The following FHIT variants were observed in gnomAD, a reference collection of about 807,000 sequenced individuals.
The protein encoded by FHIT is fragile histidine triad diadenosine triphosphatase.
A neutral mutation model predicts 17.9 loss-of-function variants in FHIT; 19 were observed. That is an observed-to-expected ratio of 1.06 (90% confidence interval 0.74 to 1.56). FHIT has a LOEUF of 1.56. FHIT is among the 40% of genes most tolerant of loss of function. FHIT has a pLI of 0.00. For synonymous variants in FHIT, 81 were observed against 69.7 expected, an observed-to-expected ratio of 1.16 and a Z score of -0.81; for missense variants, 248 against 189.2, an observed-to-expected ratio of 1.31 and a Z score of -1.82.
chr3:60,896,601 C>A (rs1705834945), intron 3 of FHIT, among the ~76,000 whole-genome samples: 1 of 152,184 alleles, frequency 6.6e-6, no homozygotes, highest in African/African-American at 2.4e-5. Context: ...TTCAAGATTT[C>A]TTTCCAGTAC....
intron 2 of FHIT, among the ~76,000 whole-genome samples, chr3:61,114,583 G>A (rs150294304): frequency 2.6e-5 from 4 of 152,152 alleles, no homozygotes; most frequent in Admixed American, 2.6e-4. Context: ...ACAATCATTG[G>A]TGCTTATTTT....
chr3:60,338,741 A>AT (rs1710367337), intron 5 of FHIT, among the ~76,000 whole-genome samples: 1 of 152,198 alleles, frequency 6.6e-6, no homozygotes, highest in Admixed American at 6.5e-5. Flanking sequence ...ATGGCACATA[A>AT]TGGTGGTACT....
intron 8 of FHIT, among the ~76,000 whole-genome samples, chr3:59,900,318 G>C (rs1251328215): frequency 6.6e-6 from 1 of 152,240 alleles, no homozygotes; most frequent in Non-Finnish European, 1.5e-5. Flanking sequence ...CCTGTCCGCA[G>C]AACAGGTGAG....
intron 5 of FHIT, among the ~76,000 whole-genome samples, chr3:60,261,156 TA>T (rs1706276777): frequency 6.6e-6 from 1 of 152,112 alleles, no homozygotes; most frequent in African/African-American, 2.4e-5. Context: ...TATTTTGGAA[TA>T]AAAAAAGTAC....
At chr3:60,694,588 A>C (rs900314059) in intron 4 of FHIT, among the ~76,000 whole-genome samples, 3 of 152,170 alleles carry the variant, frequency 2.0e-5, no homozygotes, top group Non-Finnish European at 4.4e-5. Flanking sequence ...GATTATAAAT[A>C]TTGCTGCTAT....
chr3:59,964,712 G>A (rs532215144), intron 7 of FHIT, among the ~76,000 whole-genome samples: 27 of 152,028 alleles, frequency 1.8e-4, no homozygotes, highest in Non-Finnish European at 3.2e-4. Context: ...TTGAACTTAG[G>A]TATTTATAAA....
At chr3:61,109,733 G>A (rs919798659) in intron 2 of FHIT, among the ~76,000 whole-genome samples, 1 of 152,122 alleles carries the variant, frequency 6.6e-6, no homozygotes, top group African/African-American at 2.4e-5. Context: ...CTCACTTGAA[G>A]GAACCACCTC....
chr3:60,506,228 T>G (rs746563389), intron 5 of FHIT, among the ~76,000 whole-genome samples: 6 of 152,120 alleles, frequency 3.9e-5, no homozygotes, highest in Non-Finnish European at 7.4e-5. Flanking sequence ...GCACACATGG[T>G]TGATGTCTAT....
chr3:60,163,303 C>G (rs1412925800), intron 5 of FHIT, among the ~76,000 whole-genome samples: 1 of 152,086 alleles, frequency 6.6e-6, no homozygotes, highest in Non-Finnish European at 1.5e-5. Context: ...TATGTCACCT[C>G]CAAAGGTAGG....
intron 1 of FHIT, among the ~76,000 whole-genome samples, chr3:61,212,775 G>A (rs914353136): frequency 1.3e-5 from 2 of 152,322 alleles, no homozygotes; most frequent in East Asian, 3.9e-4. Context: ...ACCCACAAAG[G>A]GAAGCCTATC....
chr3:61,099,993 G>C (rs1462537675), intron 2 of FHIT, among the ~76,000 whole-genome samples: 2 of 152,126 alleles, frequency 1.3e-5, no homozygotes, highest in East Asian at 3.9e-4. Flanking sequence ...CTGGTTTAGT[G>C]GGTGTGAAGT....
At chr3:60,397,235 T>A (rs913870567) in intron 5 of FHIT, among the ~76,000 whole-genome samples, 1 of 152,184 alleles carries the variant, frequency 6.6e-6, no homozygotes, top group Admixed American at 6.5e-5. Context: ...TTGCATTAGC[T>A]CAGGTTCTTT....
chr3:60,599,156 C>T (rs1429910139), intron 4 of FHIT, among the ~76,000 whole-genome samples: 1 of 152,110 alleles, frequency 6.6e-6, no homozygotes, highest in Non-Finnish European at 1.5e-5. Context: ...GCCCAATCCT[C>T]GATCTTACAG....
chr3:61,072,733 T>A (rs1026166519), intron 2 of FHIT, among the ~76,000 whole-genome samples: 9 of 152,150 alleles, frequency 5.9e-5, no homozygotes, highest in Non-Finnish European at 1.3e-4. Context: ...TTTCTATTAC[T>A]TTTATCTGAA....
intron 5 of FHIT, among the ~76,000 whole-genome samples, chr3:60,497,855 A>G (rs933733789): frequency 4.6e-5 from 7 of 152,130 alleles, no homozygotes; most frequent in Admixed American, 3.3e-4. Flanking sequence ...TCCCAACCTC[A>G]TGGGTTTCAG....
intron 2 of FHIT, among the ~76,000 whole-genome samples, chr3:61,186,985 T>C (rs1401285118): frequency 6.6e-6 from 1 of 152,156 alleles, no homozygotes; most frequent in Non-Finnish European, 1.5e-5. Flanking sequence ...CTTTTAATTG[T>C]ATATGCTTTG....
At chr3:59,770,909 T>C (rs760741068) in intron 8 of FHIT, among the ~76,000 whole-genome samples, 6 of 152,276 alleles carry the variant, frequency 3.9e-5, no homozygotes, top group East Asian at 3.9e-4. Flanking sequence ...AAAGAATCAA[T>C]ACAACAAATC....
chr3:60,959,801 C>CTTT (rs1246211795), intron 3 of FHIT, among the ~76,000 whole-genome samples: 1 of 119,692 alleles, frequency 8.4e-6, no homozygotes. Flanking sequence ...GAGGCTTTTT[C>CTTT]TTTTTTTTTT....
chr3:60,008,040 G>A (rs1699992184), intron 7 of FHIT, among the ~76,000 whole-genome samples: 1 of 152,106 alleles, frequency 6.6e-6, no homozygotes, highest in Non-Finnish European at 1.5e-5. Flanking sequence ...CATAAACAAT[G>A]ACAAAATCCA....
Sources: gnomAD v4.1 joint callset for allele counts (sites outside exome capture counted in the v4.1 genomes callset) on GRCh38, gnomAD v4.1.1 for gene constraint, MANE v1.5 for transcripts, NCBI Gene and HGNC (gene_info 2026-07-23, HGNC 2026-07-21) for gene names.